EML1: variants seen among roughly 807,000 people sequenced by gnomAD.
The protein encoded by EML1 is EMAP like 1, also known as echinoderm microtubule-associated protein-like 1.
A neutral mutation model predicts 110.4 loss-of-function variants in EML1; 27 were observed. That is an observed-to-expected ratio of 0.24 (90% CI 0.18 to 0.34). EML1 has a LOEUF of 0.34. Among genes scored for constraint, EML1 ranks in the 10% least tolerant of loss-of-function variants. EML1 has a pLI of 1.00. For missense variants in EML1, 741 were observed against 1,030.9 expected (o/e 0.72, Z 3.85); for synonymous variants, 344 against 385.8 (o/e 0.89, Z 1.27).
chr14:99,914,899 G>T (rs933888311), intron 15 of EML1: 2 of 647,940 alleles, frequency 3.1e-6, no homozygotes, highest in Admixed American at 3.8e-5. Context: ...ATGTAATTTT[G>T]AAGTTTACTG....
chr14:99,777,231 A>G (rs889505698), intron 1 of EML1, among the ~76,000 whole-genome samples: 2 of 151,550 alleles, frequency 1.3e-5, no homozygotes, highest in African/African-American at 4.9e-5. Flanking sequence ...TTTATCAGTT[A>G]CAGACTGCAC....
intron 4 of EML1, among the ~76,000 whole-genome samples, chr14:99,884,659 C>T (rs754668817): frequency 1.3e-5 from 2 of 152,046 alleles, no homozygotes; most frequent in African/African-American, 2.4e-5. Flanking sequence ...AAAGACATGC[C>T]GATCTAAGTA....
chr14:99,939,206 C>A lies in EML1; in HGVS notation c.2201C>A (p.Pro734Gln). Residue 734 changes from proline to glutamine, a missense_variant, in exon 21 of 22, where the codon CCA becomes CAA. By Grantham distance (76) the Pro-to-Gln change is moderately conservative. Coordinates refer to ENST00000262233, the MANE Select transcript of EML1 (RefSeq NM_004434.3). The surrounding 1 kb of genome is among the most constrained non-coding windows in gnomAD (Gnocchi z 4.2). ...GTGGTCTTTGTTTTAGGAGTGTGGC[C>A]AGAAGGCTCGGACGGAACCGACATC... ...TLGFHVFGVW[P>Q]EGSDGTDINA... 6.2e-7 allele frequency: 1 copy of A among 1,614,116 alleles called. No homozygotes were observed. The highest frequency in any genetic ancestry group is 8.5e-7 in the Non-Finnish European group (1 of 1,180,000).
At chr14:99,767,452 A>T (rs2057379172) in intron 1 of EML1, among the ~76,000 whole-genome samples, 1 of 152,158 alleles carries the variant, frequency 6.6e-6, no homozygotes, top group Non-Finnish European at 1.5e-5. Flanking sequence ...AAATACAAAA[A>T]TTAGCTGGGT....
At chr14:99,848,313 T>C (rs1196844980) in intron 1 of EML1, among the ~76,000 whole-genome samples, 2 of 152,170 alleles carry the variant, frequency 1.3e-5, no homozygotes, top group African/African-American at 4.8e-5. Context: ...GACTAACATA[T>C]GTATAATTAA....
At chr14:99,754,773 G>A (rs1442048789) in intron 1 of EML1, among the ~76,000 whole-genome samples, 3 of 152,174 alleles carry the variant, frequency 2.0e-5, no homozygotes, top group Non-Finnish European at 2.9e-5. Context: ...CACCTATAAC[G>A]TGGGATGAGG....
chr14:99,934,921 G>T (rs1473616932), intron 17 of EML1, among the ~76,000 whole-genome samples: 1 of 152,146 alleles, frequency 6.6e-6, no homozygotes, highest in Non-Finnish European at 1.5e-5. Flanking sequence ...CACAAGCATC[G>T]CAGCCTGGGT....
At position 99,903,188 on chromosome 14, in the gene EML1, A is replaced by T. The variant is rs189769126; in HGVS notation, c.1008+2149A>T. ...CAAAAGAAAAGTTTTCTTGTCTTTG[A>T]AAAAAGCAAAGGATCAGCAACATTT... is the stretch of plus-strand genomic sequence containing the variant. On this transcript the variant is annotated intron_variant, in intron 9 of 21. Transcript: ENST00000262233. 1.2e-4 allele frequency among the ~76,000 whole-genome samples: 18 copies of T among 152,340 alleles called. No individual in the cohort carries two copies. In the East Asian group the frequency reaches 3.5e-3, roughly 29 times the overall value.
intron 1 of EML1, among the ~76,000 whole-genome samples, chr14:99,809,881 T>C (rs2058045867): frequency 6.6e-6 from 1 of 152,192 alleles, no homozygotes; most frequent in African/African-American, 2.4e-5. Flanking sequence ...TTGGCTAATG[T>C]ATGGTGTATG....
intron 1 of EML1, among the ~76,000 whole-genome samples, chr14:99,739,601 A>G (rs754220296): frequency 1.3e-5 from 2 of 152,174 alleles, no homozygotes; most frequent in Non-Finnish European, 2.9e-5. Context: ...GGCCCTGGGC[A>G]GGCTCCAGGC....
chr14:99,865,408 C>A, intron 2 of EML1, 106 bp from the exon 3 acceptor site: 1 of 1,433,440 alleles, frequency 7.0e-7, no homozygotes, highest in Non-Finnish European at 9.6e-7. Flanking sequence ...TCACCTCCTC[C>A]TGCTGTGTGG....
intron 20 of EML1, 50 bp downstream of exon 20, chr14:99,937,962 T>A: frequency 6.4e-7 from 1 of 1,563,728 alleles, no homozygotes; most frequent in Non-Finnish European, 8.8e-7. Flanking sequence ...TGTCTCCTTT[T>A]AAAATATTTC....
chr14:99,848,919 C>T (rs890998962), intron 1 of EML1, among the ~76,000 whole-genome samples: 1 of 148,564 alleles, frequency 6.7e-6, no homozygotes, highest in African/African-American at 2.5e-5. Flanking sequence ...GCTGTGATCA[C>T]ACCACTGTAC....
chr14:99,821,430 A>T (rs1189316857), intron 1 of EML1, among the ~76,000 whole-genome samples: 1 of 152,172 alleles, frequency 6.6e-6, no homozygotes, highest in Non-Finnish European at 1.5e-5. Flanking sequence ...AGACGGGGGA[A>T]TCACTTGAGG....
rs181108829 is a variant in EML1, at chr14:99,897,940, A to G, written c.828-293A>G. Among the ~76,000 whole-genome samples the G allele has an allele frequency of 2.4e-3, 368 of 152,300 alleles. 2 individuals carry two copies. Among genetic ancestry groups the G allele is most frequent in the African/African-American group, 7.8e-3 (323 of 41,564 alleles). ...TTTATGTACTCAACATGACTTTTTA[A>G]TAAAGATTGTAGACTAATGTAGTGG... is the stretch of plus-strand genomic sequence containing the variant. On this transcript the variant is annotated intron_variant, in intron 7 of 21. Coordinates refer to ENST00000262233, the MANE Select transcript of EML1 (RefSeq NM_004434.3).
intron 1 of EML1, among the ~76,000 whole-genome samples, chr14:99,796,109 C>G (rs1221557380): frequency 6.7e-6 from 1 of 150,296 alleles, no homozygotes; most frequent in Non-Finnish European, 1.5e-5. Context: ...ATTGATTGAG[C>G]CCAGAAGTTT....
intron 2 of EML1, among the ~76,000 whole-genome samples, chr14:99,851,879 C>T (rs931769980): frequency 3.3e-5 from 5 of 152,138 alleles, no homozygotes; most frequent in African/African-American, 1.2e-4. Context: ...AGCTCTTCCC[C>T]TCTTCTAGCT....
chr14:99,743,717 C>T (rs987119898), intron 1 of EML1, among the ~76,000 whole-genome samples: 3 of 152,308 alleles, frequency 2.0e-5, no homozygotes, highest in African/African-American at 4.8e-5. Context: ...GGGGGCCCCA[C>T]GCCAGTGTCG....
chr14:99,857,723 A>C (rs949433902), intron 2 of EML1, among the ~76,000 whole-genome samples: 7 of 152,326 alleles, frequency 4.6e-5, no homozygotes, highest in African/African-American at 1.7e-4. Context: ...ACTTGTTTTC[A>C]GGGTTCACCC....
Sources: allele counts gnomAD v4.1 joint callset (sites outside exome capture counted in the v4.1 genomes callset), GRCh38; gene constraint gnomAD v4.1.1; non-coding constraint Gnocchi (gnomAD v3.1); transcripts MANE v1.5; gene names NCBI Gene and HGNC (gene_info 2026-07-23, HGNC 2026-07-21).